FGGY: variants seen among roughly 807,000 people sequenced by gnomAD.
FGGY encodes the protein FGGY carbohydrate kinase domain containing.
In FGGY, 72 loss-of-function variants were observed where a neutral mutation model predicts 71.3. The observed-to-expected ratio is 1.01, with a 90% CI of 0.84 to 1.23. The LOEUF (loss-of-function observed/expected upper bound fraction) is 1.23, where lower values mean the gene tolerates loss of function less well. Among genes scored for constraint, FGGY ranks in the 50% most tolerant of loss-of-function variants. The pLI is 0.00. For synonymous variants in FGGY, 251 were observed against 250.3 expected, an observed-to-expected ratio of 1.00 and a Z score of -0.02; for missense variants, 668 against 682.3, an observed-to-expected ratio of 0.98 and a Z score of 0.23.
At chr1:59,534,579 G>C (rs1265932840) in intron 7 of FGGY, among the ~76,000 whole-genome samples, 2 of 152,206 alleles carry the variant, frequency 1.3e-5, no homozygotes, top group East Asian at 3.8e-4. Flanking sequence ...GGCAGCCAGA[G>C]AGAAAGGTAG....
chr1:59,343,585 A>G (rs1196643949), intron 3 of FGGY, among the ~76,000 whole-genome samples: 2 of 152,288 alleles, frequency 1.3e-5, no homozygotes, highest in East Asian at 3.9e-4. Context: ...CTGCAGACAT[A>G]TGTTGCTTAA....
intron 8 of FGGY, among the ~76,000 whole-genome samples, chr1:59,566,818 C>CCTTT (rs57077507): frequency 0.4 from 60,006 of 151,548 alleles, 14,300 homozygotes; most frequent in African/African-American, 0.66. Context: ...AAATTTATCC[C>CCTTT]CTTGTATTTT....
chr1:59,710,768 G>A (rs1442544573), intron 14 of FGGY, among the ~76,000 whole-genome samples: 1 of 152,092 alleles, frequency 6.6e-6, no homozygotes, highest in African/African-American at 2.4e-5. Context: ...AGTTGGAATG[G>A]TGATCACTAA....
At chr1:59,668,733 C>A (rs545174107) in intron 13 of FGGY, among the ~76,000 whole-genome samples, 2 of 151,920 alleles carry the variant, frequency 1.3e-5, no homozygotes, top group African/African-American at 2.4e-5. Context: ...CTGTGATCCC[C>A]ACACTTTGGG....
intron 7 of FGGY, among the ~76,000 whole-genome samples, chr1:59,513,171 G>A (rs893582465): frequency 2.2e-4 from 33 of 152,104 alleles, no homozygotes; most frequent in African/African-American, 8.0e-4. Context: ...TTTTTTCCTA[G>A]CCTTTCATTC....
intron 5 of FGGY, among the ~76,000 whole-genome samples, chr1:59,410,841 A>G (rs1322719237): frequency 6.6e-6 from 1 of 152,224 alleles, no homozygotes; most frequent in East Asian, 1.9e-4. Context: ...AATGTAATGT[A>G]TATATAAGGT....
At chr1:59,591,819 C>T (rs1266962106) in intron 8 of FGGY, among the ~76,000 whole-genome samples, 1 of 152,154 alleles carries the variant, frequency 6.6e-6, no homozygotes, top group Non-Finnish European at 1.5e-5. Context: ...AACGTTCGAC[C>T]TAAAACCATA....
chr1:59,600,614 A>G (rs2096567970), intron 8 of FGGY, among the ~76,000 whole-genome samples: 1 of 152,182 alleles, frequency 6.6e-6, no homozygotes, highest in Non-Finnish European at 1.5e-5. Flanking sequence ...ACCGTCCCAG[A>G]AAGTTGCAGA....
chr1:59,429,643 AT>A (rs2066985339), intron 5 of FGGY, among the ~76,000 whole-genome samples: 1 of 152,250 alleles, frequency 6.6e-6, no homozygotes, highest in African/African-American at 2.4e-5. Flanking sequence ...CTCTCAGTTT[AT>A]TTCCAGCACA....
At chr1:59,449,177 C>T (rs2072036791) in intron 5 of FGGY, among the ~76,000 whole-genome samples, 2 of 152,176 alleles carry the variant, frequency 1.3e-5, no homozygotes, top group African/African-American at 4.8e-5. Context: ...TGACCCTTTT[C>T]TCAATATGTA....
intron 8 of FGGY, among the ~76,000 whole-genome samples, chr1:59,607,091 A>G (rs559985920): frequency 6.6e-6 from 1 of 152,354 alleles, no homozygotes; most frequent in African/African-American, 2.4e-5. Context: ...GTGACAAACA[A>G]CAGTAGACAT....
At chr1:59,595,197 G>A (rs1018757603) in intron 8 of FGGY, among the ~76,000 whole-genome samples, 1 of 152,156 alleles carries the variant, frequency 6.6e-6, no homozygotes, top group Admixed American at 6.5e-5. Flanking sequence ...TAAACTAAAG[G>A]AAATGGTAGA....
At chr1:59,390,712 A>T (rs1266538978) in intron 5 of FGGY, among the ~76,000 whole-genome samples, 1 of 152,174 alleles carries the variant, frequency 6.6e-6, no homozygotes, top group Non-Finnish European at 1.5e-5. Flanking sequence ...GAGAATTGAT[A>T]TGGGGTGGGT....
chr1:59,667,246 G>C, intron 12 of FGGY, 37 bp from the exon 13 acceptor site: 1 of 1,612,960 alleles, frequency 6.2e-7, no homozygotes, highest in East Asian at 2.2e-5. Flanking sequence ...TTACTTTTGT[G>C]ACTATACTGA....
intron 11 of FGGY, among the ~76,000 whole-genome samples, chr1:59,644,180 T>TA (rs1050015497): frequency 4.6e-5 from 7 of 151,260 alleles, no homozygotes; most frequent in East Asian, 1.9e-4. Context: ...GACTCAGATT[T>TA]AAAAAAAAAT....
chr1:59,520,306 G>A (rs997731765), intron 7 of FGGY, among the ~76,000 whole-genome samples: 1 of 152,196 alleles, frequency 6.6e-6, no homozygotes, highest in Admixed American at 6.5e-5. Flanking sequence ...AATAATAGAA[G>A]TGAAGCCTGA....
intron 14 of FGGY, among the ~76,000 whole-genome samples, chr1:59,753,467 A>AATATATATATATAT (rs57074120): frequency 2.9e-4 from 14 of 47,844 alleles, no homozygotes; most frequent in South Asian, 8.2e-4. Context: ...CATAACTTTA[A>AATATATATATATAT]ATATATATAT....
Position 59,651,206 on chromosome 1 carries a change from G to A in FGGY, c.1222-9013G>A, listed in dbSNP as rs556508366. 3.5e-3 allele frequency among the ~76,000 whole-genome samples: 533 copies of A among 152,170 alleles called. 4 individuals are homozygous for A. Among genetic ancestry groups the A allele is most frequent in the African/African-American group, 0.012 (509 of 41,480 alleles). On this transcript the variant is annotated intron_variant, in intron 11 of 15. Coordinates refer to ENST00000303721, the MANE Select transcript of FGGY (RefSeq NM_018291.5). ...AATTTTGGAATAGGTGTGGTGCGGT[G>A]CTGAAAAAAATGTATATTCTGTTGA...
In FGGY at chr1:59,460,202, T is replaced by G. The variant is rs867084620; in HGVS notation, c.670+3126T>G. Among the ~76,000 whole-genome samples, 3 of 152,214 alleles carry G rather than the reference T, an allele frequency of 2.0e-5. 1 individual carries two copies. The highest frequency in any genetic ancestry group is 6.8e-3 in the Middle Eastern group (2 of 294). Reference sequence around the variant, plus strand: ...AATCGGGACACTGCCGCCCAAATACTGGGCTTTTCCAACAGTCTTAGCAAA... The same window carrying G: ...AATCGGGACACTGCCGCCCAAATACGGGGCTTTTCCAACAGTCTTAGCAAA... On this transcript the variant is annotated intron_variant, in intron 6 of 15. Coordinates refer to ENST00000303721, the MANE Select transcript of FGGY (RefSeq NM_018291.5).
Sources: gnomAD v4.1 joint callset for allele counts (sites outside exome capture counted in the v4.1 genomes callset) on GRCh38, gnomAD v4.1.1 for gene constraint, MANE v1.5 for transcripts, NCBI Gene and HGNC (gene_info 2026-07-23, HGNC 2026-07-21) for gene names.